Variants in HHIPL2 observed in about 807,000 individuals in gnomAD.
The protein encoded by HHIPL2 is HHIP-like protein 2.
A neutral mutation model predicts 61.0 loss-of-function variants in HHIPL2; 61 were observed. That is an observed-to-expected ratio of 1.00 (90% CI 0.81 to 1.24). HHIPL2 has a LOEUF of 1.24. Ranked by LOEUF, HHIPL2 falls within the 50% of genes most tolerant of loss-of-function variation. The pLI is 0.00. For missense variants in HHIPL2, 885 were observed against 910.2 expected (o/e 0.97, Z 0.36); for synonymous variants, 343 against 357.4 (o/e 0.96, Z 0.45).
intron 5 of HHIPL2, among the ~76,000 whole-genome samples, chr1:222,536,261 A>T (rs1035695169): frequency 6.6e-6 from 1 of 152,132 alleles, no homozygotes; most frequent in Non-Finnish European, 1.5e-5. Flanking sequence ...GACTGATTTA[A>T]AAAAAAGAGA....
chr1:222,540,461 G>T, intron 3 of HHIPL2, 120 bp from the exon 4 acceptor site: 1 of 741,478 alleles, frequency 1.3e-6, no homozygotes, highest in Non-Finnish European at 2.1e-6. Flanking sequence ...GGATCCCATG[G>T]GAAGATTTGA....
intron 7 of HHIPL2, among the ~76,000 whole-genome samples, 173 bp from the exon 8 acceptor site, chr1:222,523,867 G>T (rs1236471063): frequency 1.3e-5 from 2 of 152,120 alleles, no homozygotes; most frequent in African/African-American, 4.8e-5. Flanking sequence ...GAGGTAAAAG[G>T]GCACAGACAG....
chr1:222,543,573 C>T lies in HHIPL2; in HGVS notation c.938G>A (p.Arg313Gln), dbSNP rs367983202. The change falls in exon 2 of 9, where the codon CGG becomes CAG. Residue 313 changes from arginine (R) to glutamine (Q), a missense_variant. By Grantham distance (43) the Arg-to-Gln change is conservative (BLOSUM62 1). Coordinates refer to ENST00000343410, the MANE Select transcript of HHIPL2 (RefSeq NM_024746.4). ...KIRISEMKVS[R>Q]ADPNKADLKS... is the part of the protein sequence containing the mutation. Reference sequence around the variant, plus strand: ...CAGGTCAGCTTTGTTAGGATCAGCCCGAGAAACCTTCATCTCACTAATTCG... The same window carrying T: ...CAGGTCAGCTTTGTTAGGATCAGCCTGAGAAACCTTCATCTCACTAATTCG... 2 of 1,613,742 alleles carry T rather than the reference C, an allele frequency of 1.2e-6. No individual in the cohort carries two copies. Among genetic ancestry groups the T allele is most frequent in the Non-Finnish European group, 1.7e-6 (2 of 1,179,838 alleles).
chr1:222,547,733 G>A lies in HHIPL2; in HGVS notation c.312C>T (p.Ile104=). The part of the protein sequence containing the change: ...HELCGDYIKD[I]LCQECSPYAA... ...AGGCACTTTTCACTACCTGGCAAAG[G>A]ATGTCTTTAATGTAATCTCCACACA... Residue 104 remains isoleucine, a synonymous_variant, in exon 1 of 9, where the codon ATC becomes ATT. Coordinates refer to ENST00000343410, the MANE Select transcript of HHIPL2 (RefSeq NM_024746.4). 6.2e-7 allele frequency: 1 copy of A among 1,610,914 alleles called. No individual in the cohort carries two copies. The highest frequency in any genetic ancestry group is 2.2e-5 in the East Asian group (1 of 44,768).
In HHIPL2 at chr1:222,539,466, G is replaced by T. The variant is rs1244073792; in HGVS notation, c.1450+544C>A. Among the ~76,000 whole-genome samples the T allele has an allele frequency of 3.4e-5, 5 of 146,538 alleles. No individual in the cohort carries two copies. The East Asian group carries it at 1.0e-3, about 30-fold the overall frequency. ...AATCACTTGAACCCGGGAGTCGGAG[G>T]TTGCAGTGAGCTGAGATCATGCCAC... On this transcript the variant is annotated intron_variant, in intron 4 of 8. Coordinates refer to ENST00000343410, the MANE Select transcript of HHIPL2 (RefSeq NM_024746.4).
chr1:222,546,400 G>A (rs1053789315), intron 1 of HHIPL2, among the ~76,000 whole-genome samples: 1 of 152,172 alleles, frequency 6.6e-6, no homozygotes, highest in Admixed American at 6.5e-5. Flanking sequence ...TCATTGCTGG[G>A]TACACACTAC....
At chr1:222,537,218 C>T (rs1444064948) in intron 5 of HHIPL2, among the ~76,000 whole-genome samples, 1 of 151,790 alleles carries the variant, frequency 6.6e-6, no homozygotes, top group Non-Finnish European at 1.5e-5. Flanking sequence ...CAAAACCCAA[C>T]ATCTATATCT....
intron 7 of HHIPL2, 22 bp from the exon 8 acceptor site, chr1:222,523,716 A>G: frequency 6.2e-7 from 1 of 1,612,630 alleles, no homozygotes. Context: ...AACAGAAAGC[A>G]TGAGGACGCA....
At chr1:222,523,569 C>T (rs911658372) in intron 8 of HHIPL2, 43 bp downstream of exon 8, 1 of 1,582,240 alleles carries the variant, frequency 6.3e-7, no homozygotes, top group Non-Finnish European at 8.7e-7. Context: ...CTGCCTTAGC[C>T]TCCACACCAA....
Position 222,522,679 on chromosome 1 carries a change from C to T in HHIPL2, c.2097G>A (p.Arg699=), listed in dbSNP as rs4846759. The T allele has an allele frequency of 2.2e-3, 3,575 of 1,614,218 alleles. 101 individuals carry two copies. The Admixed American group carries it at 0.043, about 19-fold the overall frequency. ...CACTGTGGCTTTTCAGGCTCTTCCT[C>T]CTCTTGCCCTGGCGGACGTGGGGCC... is the stretch of plus-strand genomic sequence containing the variant. ...RVGPHVRQGK[R]RKSLKSHSGR... Residue 699 remains arginine, a synonymous_variant, in exon 9 of 9, where the codon AGG becomes AGA. Transcript: ENST00000343410.
In HHIPL2 at chr1:222,531,912, G is replaced by C; in HGVS notation, c.1723+54C>G. ...TAAAATAAACGTTCAGTTGATGCCT[G>C]TGATTATCCGAGTTCTAGTAAGCAG... On this transcript the variant is annotated intron_variant, in intron 6 of 8. Transcript: ENST00000343410. The C allele has an allele frequency of 2.0e-6, 3 of 1,511,576 alleles. No homozygotes were observed. The South Asian group carries it at 3.6e-5, about 18-fold the overall frequency. 93.6% of individuals were successfully genotyped at this position (1,511,576 alleles called of 1,614,324 possible).
At chr1:222,525,797 G>A (rs893383341) in intron 7 of HHIPL2, among the ~76,000 whole-genome samples, 4 of 151,924 alleles carry the variant, frequency 2.6e-5, no homozygotes, top group African/African-American at 4.8e-5. Flanking sequence ...CCAGGAGTTC[G>A]AGACTAGCCT....
chr1:222,543,700 C>G lies in HHIPL2; in HGVS notation c.811G>C (p.Glu271Gln). The change falls in exon 2 of 9, where the codon GAG becomes CAG. Residue 271 changes from glutamate (E) to glutamine (Q), a missense_variant. Transcript: ENST00000343410. ...IVLTTPWIGD[E>Q]RGFLGLAFHP... Reference sequence around the variant, plus strand: ...AAAGCCAACCCCAAGAAGCCTCTCTCATCCCCGATCCATGGGGTGGTCAAC... The same window carrying G: ...AAAGCCAACCCCAAGAAGCCTCTCTGATCCCCGATCCATGGGGTGGTCAAC... 6.2e-7 allele frequency: 1 copy of G among 1,614,222 alleles called. No homozygotes were observed. Among genetic ancestry groups the G allele is most frequent in the East Asian group, 2.2e-5 (1 of 44,884 alleles).
Position 222,537,062 on chromosome 1 carries a change from T to C in HHIPL2, c.1577+1586A>G, listed in dbSNP as rs368147331. On this transcript the variant is annotated intron_variant, in intron 5 of 8. Coordinates refer to ENST00000343410, the MANE Select transcript of HHIPL2 (RefSeq NM_024746.4). ...TCAAAAAATAAATAAATAAATAAGA[T>C]AAGGCATTATGACCAAGTGGTATTT... 1.2e-3 allele frequency among the ~76,000 whole-genome samples: 179 copies of C among 152,034 alleles called. 7 individuals are homozygous for C. The South Asian group carries it at 0.036, about 31-fold the overall frequency.
In HHIPL2 at chr1:222,532,100, G is replaced by C; in HGVS notation, c.1589C>G (p.Ala530Gly). 6.2e-7 allele frequency: 1 copy of C among 1,612,668 alleles called. No individual in the cohort carries two copies. The highest frequency in any genetic ancestry group is 8.5e-7 in the Non-Finnish European group (1 of 1,179,262). Residue 530 changes from alanine to glycine, a missense_variant, in exon 6 of 9, where the codon GCT (alanine) becomes GGT (glycine). Ala to Gly is a moderately conservative substitution (Grantham distance 60). Coordinates refer to ENST00000343410, the MANE Select transcript of HHIPL2 (RefSeq NM_024746.4). ...FGDFMSGRLMALQEDRKNKKW... is the reference protein window; with the variant it reads ...FGDFMSGRLMGLQEDRKNKKW... ...CTTGTTTTTTCTATCTTCCTGCAAA[G>C]CCATAAGTCGACTAGACAAAAAATA...
At position 222,547,811 on chromosome 1, in the gene HHIPL2, G is replaced by A. The variant is rs763471081; in HGVS notation, c.234C>T (p.Ile78=). 5.0e-6 allele frequency: 8 copies of A among 1,614,140 alleles called. No homozygotes were observed. Among genetic ancestry groups the A allele is most frequent in the East Asian group, 2.2e-5 (1 of 44,870 alleles). The stretch of plus-strand genomic sequence containing the variant: ...CCATGATGTCCCAGTACCGGGCAGC[G>A]ATGCGGCGGTCCTTGTGCTGATCAC... ...GCCDQHKDRR[I]AARYWDIMEY... is the part of the protein sequence containing the mutation. The change falls in exon 1 of 9, where the codon ATC becomes ATT. Residue 78 remains isoleucine (I), a synonymous_variant. Transcript: ENST00000343410.
chr1:222,533,375 A>AG (rs1659233249), intron 5 of HHIPL2, among the ~76,000 whole-genome samples: 1 of 151,684 alleles, frequency 6.6e-6, no homozygotes, highest in African/African-American at 2.4e-5. Context: ...AAAAAAAAAA[A>AG]AGAAAAAAAG....
At chr1:222,533,925 G>C (rs535235095) in intron 5 of HHIPL2, among the ~76,000 whole-genome samples, 3 of 152,306 alleles carry the variant, frequency 2.0e-5, no homozygotes, top group South Asian at 4.1e-4. Flanking sequence ...GCTGCAAAAG[G>C]TTCCCCTGAA....
intron 6 of HHIPL2, among the ~76,000 whole-genome samples, chr1:222,529,113 C>T (rs758154663): frequency 7.2e-5 from 11 of 152,194 alleles, no homozygotes; most frequent in Non-Finnish European, 1.5e-4. Context: ...TGAGCCACCA[C>T]ACAACAGCTC....
Sources: gnomAD v4.1 joint callset for allele counts (sites outside exome capture counted in the v4.1 genomes callset) on GRCh38, gnomAD v4.1.1 for gene constraint, MANE v1.5 for transcripts, NCBI Gene and HGNC (gene_info 2026-07-23, HGNC 2026-07-21) for gene names.